Variants in MACROD2 observed in about 807,000 individuals in gnomAD.
MACROD2 encodes mono-ADP ribosylhydrolase 2, also known as ADP-ribose glycohydrolase MACROD2.
A neutral mutation model predicts 70.4 loss-of-function variants in MACROD2; 36 were observed. The ratio of observed to expected loss-of-function variants is 0.51; its 90% CI spans 0.39 to 0.68. The LOEUF is 0.68. Among genes scored for constraint, MACROD2 ranks in the 30% least tolerant of loss-of-function variants. The probability of loss-of-function intolerance (pLI) is 0.00; values close to 1 mark genes in which losing one functional copy is unlikely to be tolerated. For synonymous variants in MACROD2, 172 were observed against 178.8 expected (o/e 0.96, Z 0.30); for missense variants, 496 against 538.4 (o/e 0.92, Z 0.78).
intron 4 of MACROD2, among the ~76,000 whole-genome samples, chr20:14,510,044 C>A (rs1040443549): frequency 6.6e-6 from 1 of 151,964 alleles, no homozygotes; most frequent in African/African-American, 2.4e-5. Context: ...CCCTTAGAAA[C>A]ATAAGGTGGA....
intron 3 of MACROD2, among the ~76,000 whole-genome samples, chr20:14,259,927 T>C (rs952768062): frequency 2.6e-5 from 4 of 152,164 alleles, no homozygotes; most frequent in Non-Finnish European, 2.9e-5. Flanking sequence ...TGTAAAAGAA[T>C]TGGAAACAGA....
chr20:15,346,304 T>G (rs140099784), intron 6 of MACROD2, among the ~76,000 whole-genome samples: 15 of 152,224 alleles, frequency 9.9e-5, no homozygotes, highest in Non-Finnish European at 1.9e-4. Flanking sequence ...CTGGAAAGAC[T>G]GTTAAGAAGG....
chr20:15,003,042 T>C (rs1015896654), intron 5 of MACROD2, among the ~76,000 whole-genome samples: 2 of 152,324 alleles, frequency 1.3e-5, no homozygotes, highest in South Asian at 4.1e-4. Context: ...TAATTTTCTA[T>C]TACTGTTGAG....
At chr20:15,739,993 A>T (rs1203888858) in intron 8 of MACROD2, among the ~76,000 whole-genome samples, 2 of 152,240 alleles carry the variant, frequency 1.3e-5, no homozygotes, top group Non-Finnish European at 2.9e-5. Context: ...ACCACTGTAA[A>T]CAAATTCCTA....
chr20:14,578,251 A>G (rs944633994), intron 4 of MACROD2, among the ~76,000 whole-genome samples: 10 of 151,986 alleles, frequency 6.6e-5, no homozygotes, highest in African/African-American at 2.4e-4. Context: ...CAACATAAAA[A>G]TAATAAATAT....
At chr20:15,376,644 A>T (rs895801085) in intron 6 of MACROD2, among the ~76,000 whole-genome samples, 1 of 152,164 alleles carries the variant, frequency 6.6e-6, no homozygotes, top group Admixed American at 6.5e-5. Context: ...CTACTACAAA[A>T]ATTACTTCTA....
chr20:13,999,206 C>A (rs2052701256), intron 1 of MACROD2, among the ~76,000 whole-genome samples: 1 of 152,140 alleles, frequency 6.6e-6, no homozygotes, highest in African/African-American at 2.4e-5. Context: ...TTGGTGTCTT[C>A]AGGTTCCTCT....
intron 4 of MACROD2, among the ~76,000 whole-genome samples, chr20:14,586,383 G>C (rs939808721): frequency 3.9e-5 from 6 of 151,958 alleles, no homozygotes; most frequent in Non-Finnish European, 7.4e-5. Flanking sequence ...CTTTCCTTAA[G>C]TTTCCTAATT....
chr20:15,261,794 A>C (rs2077251636), intron 6 of MACROD2, among the ~76,000 whole-genome samples: 1 of 152,010 alleles, frequency 6.6e-6, no homozygotes, highest in South Asian at 2.1e-4. Context: ...AAATATAGCC[A>C]CTTAGCTTTA....
In MACROD2 at chr20:15,095,064, C is replaced by CT. The variant is rs373794823; in HGVS notation, c.419-134845dup. 8.6e-3 allele frequency among the ~76,000 whole-genome samples: 767 copies of CT among 89,052 alleles called. 44 individuals are homozygous for CT. The highest frequency in any genetic ancestry group is 0.032 in the East Asian group (110 of 3,388). 58.4% of individuals were successfully genotyped at this position (89,052 alleles called of 152,430 possible). On this transcript the variant is annotated intron_variant, in intron 5 of 17. Transcript: ENST00000684519. ...TATCTTTTCACTGTGGTCTCCTCTT[C>CT]TTTTTTTTTTTTTTTTTTTTTTTTT...
chr20:14,394,262 TA>T (rs1568592512), intron 3 of MACROD2, among the ~76,000 whole-genome samples: 8 of 152,176 alleles, frequency 5.3e-5, no homozygotes, highest in Non-Finnish European at 1.0e-4. Flanking sequence ...TTGCTCTCCA[TA>T]TATTTAGATC....
At position 14,597,972 on chromosome 20, in the gene MACROD2, A is replaced by G. The variant is rs565764642; in HGVS notation, c.302-86871A>G. Among the ~76,000 whole-genome samples, 403 of 152,292 alleles carry G rather than the reference A, an allele frequency of 2.6e-3. 2 individuals are homozygous for G. Among genetic ancestry groups the G allele is most frequent in the African/African-American group, 9.5e-3 (393 of 41,574 alleles). On this transcript the variant is annotated intron_variant, in intron 4 of 17. Transcript: ENST00000684519. ...TGTTCAACTGTGAGTAATTAAAAAT[A>G]TAATCTTACAAAGATCTCCAACATA...
At chr20:14,232,982 G>A (rs2081832275) in intron 3 of MACROD2, among the ~76,000 whole-genome samples, 1 of 152,122 alleles carries the variant, frequency 6.6e-6, no homozygotes. Context: ...TTTATTAATT[G>A]GCCTAATTCC....
chr20:14,652,139 A>G (rs1348011418), intron 4 of MACROD2, among the ~76,000 whole-genome samples: 1 of 152,086 alleles, frequency 6.6e-6, no homozygotes, highest in Non-Finnish European at 1.5e-5. Context: ...GTATATCCTT[A>G]TCATTGTTTT....
At chr20:14,376,219 T>C (rs2122760339) in intron 3 of MACROD2, among the ~76,000 whole-genome samples, 1 of 152,308 alleles carries the variant, frequency 6.6e-6, no homozygotes, top group South Asian at 2.1e-4. Flanking sequence ...TCTTCTTCCT[T>C]AAAGTCTGCT....
intron 3 of MACROD2, among the ~76,000 whole-genome samples, chr20:14,457,952 T>C (rs2084322714): frequency 6.6e-6 from 1 of 151,722 alleles, no homozygotes; most frequent in African/African-American, 2.4e-5. Context: ...ATACAAAAAA[T>C]TTGCTCGGTG....
chr20:14,561,513 C>G (rs1979431496), intron 4 of MACROD2, among the ~76,000 whole-genome samples: 1 of 151,732 alleles, frequency 6.6e-6, no homozygotes, highest in African/African-American at 2.4e-5. Flanking sequence ...GCAGGGTATA[C>G]AAATGTTATA....
At chr20:14,715,137 A>G (rs910798653) in intron 5 of MACROD2, among the ~76,000 whole-genome samples, 5 of 152,208 alleles carry the variant, frequency 3.3e-5, no homozygotes, top group African/African-American at 1.2e-4. Context: ...CAGAAGGGAA[A>G]GCAAACACAT....
At chr20:15,280,724 T>C (rs1425176850) in intron 6 of MACROD2, 1 of 152,224 alleles carries the variant, frequency 6.6e-6, no homozygotes, top group Non-Finnish European at 1.5e-5. Context: ...ACTTTCACTC[T>C]AAGACTTCTT....
Sources: gnomAD v4.1 joint callset for allele counts (sites outside exome capture counted in the v4.1 genomes callset) on GRCh38, gnomAD v4.1.1 for gene constraint, MANE v1.5 for transcripts, NCBI Gene and HGNC (gene_info 2026-07-23, HGNC 2026-07-21) for gene names.